The following CD302 variants were observed in gnomAD, a reference collection of about 807,000 sequenced individuals.
CD302 encodes the protein CD302 molecule.
Under a neutral mutation model 26.5 loss-of-function variants are expected in CD302, and 23 were observed. The ratio of observed to expected loss-of-function variants is 0.87; its 90% CI spans 0.62 to 1.23. CD302 has a LOEUF of 1.23. Among genes scored for constraint, CD302 ranks in the 50% most tolerant of loss-of-function variants. The probability of loss-of-function intolerance (pLI) is 0.00; values close to 1 mark genes in which losing one functional copy is unlikely to be tolerated. For missense variants in CD302, 290 were observed against 275.5 expected (o/e 1.05, Z -0.37); for synonymous variants, 90 against 99.4 (o/e 0.91, Z 0.56).
At chr2:159,772,115 TTGA>T in intron 5 of CD302, 62 bp from the exon 6 acceptor site, 1 of 1,544,552 alleles carries the variant, frequency 6.5e-7, no homozygotes, top group Non-Finnish European at 8.8e-7. Context: ...CAAGTATATT[TTGA>T]TGAGCACAAC....
intron 2 of CD302, among the ~76,000 whole-genome samples, chr2:159,782,414 CAAAAAAAAAAAAAAAA>C (rs72068957): frequency 1.4e-5 from 1 of 70,730 alleles, no homozygotes; most frequent in Non-Finnish European, 2.5e-5. Flanking sequence ...CTCCATCTCA[CAAAAAAAAAAAAAAAA>C]AAAAAAAAAG....
intron 1 of CD302, among the ~76,000 whole-genome samples, chr2:159,796,383 G>GT (rs986486779): frequency 2.6e-5 from 4 of 152,112 alleles, no homozygotes; most frequent in African/African-American, 9.7e-5. Flanking sequence ...GTATTCATAC[G>GT]TTTTCTGGTT....
At chr2:159,788,934 G>A (rs1276647036) in intron 1 of CD302, among the ~76,000 whole-genome samples, 1 of 151,774 alleles carries the variant, frequency 6.6e-6, no homozygotes, top group Non-Finnish European at 1.5e-5. Context: ...TTTCAATACT[G>A]TTAATACTCT....
rs1190947820 is a variant in CD302, at chr2:159,769,887, C to T, written c.*1964G>A. 1 of 152,184 alleles carries T rather than the reference C, an allele frequency of 6.6e-6. No individual in the cohort carries two copies. Among genetic ancestry groups the T allele is most frequent in the Non-Finnish European group, 1.5e-5 (1 of 68,018 alleles). The allele number at this position is 152,184 out of a possible 1,614,324, so 9.4% of individuals were successfully genotyped here. A position where few individuals can be genotyped will look rare whatever the true frequency, so the allele number is the denominator to read the frequency against. ...GTTCTATAATGTATGTTGCCCAGTACAGTAGCCACTAACCACCTGTGATTT... is the reference window on the plus strand; with the variant it reads ...GTTCTATAATGTATGTTGCCCAGTATAGTAGCCACTAACCACCTGTGATTT... On this transcript the variant is annotated 3_prime_UTR_variant, in exon 6 of 6. Coordinates refer to ENST00000259053, the MANE Select transcript of CD302 (RefSeq NM_014880.5).
intron 1 of CD302, among the ~76,000 whole-genome samples, chr2:159,794,864 ATACTC>A (rs1256536043): frequency 3.3e-5 from 5 of 151,802 alleles, no homozygotes; most frequent in African/African-American, 4.8e-5. Flanking sequence ...TTATTTTAAA[ATACTC>A]TAATATTTAA....
intron 4 of CD302, among the ~76,000 whole-genome samples, chr2:159,778,324 A>G (rs909004903): frequency 3.3e-5 from 5 of 152,210 alleles, no homozygotes; most frequent in Admixed American, 2.6e-4. Context: ...CTACCTTAGT[A>G]TGGATGTACT....
intron 5 of CD302, among the ~76,000 whole-genome samples, chr2:159,776,791 G>A (rs1301297794): frequency 1.4e-5 from 2 of 139,228 alleles, no homozygotes; most frequent in East Asian, 2.1e-4. Context: ...TGCAACCTCC[G>A]CCTCCCAAAT....
At chr2:159,794,541 T>A (rs199637811) in intron 1 of CD302, among the ~76,000 whole-genome samples, 391 of 151,420 alleles carry the variant, frequency 2.6e-3, no homozygotes, top group African/African-American at 8.2e-3. Context: ...TTTATTTATT[T>A]ATTTATTTAT....
chr2:159,777,797 A>G, intron 5 of CD302, 141 bp downstream of exon 5: 1 of 402,422 alleles, frequency 2.5e-6, no homozygotes. Flanking sequence ...TATTACTAAG[A>G]GACCTTTCTA....
chr2:159,781,146 A>ATT (rs1708493985), intron 2 of CD302, 148 bp from the exon 3 acceptor site: 1 of 655,294 alleles, frequency 1.5e-6, no homozygotes, highest in Non-Finnish European at 2.5e-6. Context: ...ATACAAGCTA[A>ATT]TAAGGTTACA....
intron 2 of CD302, among the ~76,000 whole-genome samples, 169 bp downstream of exon 2, chr2:159,783,190 A>G (rs1708568643): frequency 1.3e-5 from 2 of 152,236 alleles, no homozygotes; most frequent in South Asian, 2.1e-4. Context: ...AGGATTAAAT[A>G]TATACCCAAT....
intron 1 of CD302, among the ~76,000 whole-genome samples, chr2:159,796,451 C>G (rs913668748): frequency 6.6e-6 from 1 of 152,204 alleles, no homozygotes; most frequent in African/African-American, 2.4e-5. Context: ...CCAAGATGAA[C>G]CACGCCTGTA....
At chr2:159,773,902 A>C (rs1312430926) in intron 5 of CD302, among the ~76,000 whole-genome samples, 1 of 152,170 alleles carries the variant, frequency 6.6e-6, no homozygotes, top group Non-Finnish European at 1.5e-5. Context: ...TTTTTAGCCT[A>C]ACAATGTTCC....
chr2:159,772,195 C>T (rs1708170730), intron 5 of CD302, 142 bp from the exon 6 acceptor site: 9 of 891,114 alleles, frequency 1.0e-5, no homozygotes, highest in Admixed American at 2.9e-5. Flanking sequence ...CCAAAAATTT[C>T]GCATTTGTTA....
chr2:159,790,772 C>T (rs1708785840), intron 1 of CD302, among the ~76,000 whole-genome samples: 1 of 152,156 alleles, frequency 6.6e-6, no homozygotes, highest in Non-Finnish European at 1.5e-5. Context: ...ACCACAGGTT[C>T]AGAAATGCAC....
chr2:159,798,189 C>A lies in CD302; in HGVS notation c.10G>T (p.Ala4Ser). The change falls in exon 1 of 6, where the codon GCC becomes TCC. Residue 4 changes from alanine to serine, a missense_variant. Ala to Ser is a moderately conservative substitution (Grantham distance 99, BLOSUM62 1). Coordinates refer to ENST00000259053, the MANE Select transcript of CD302 (RefSeq NM_014880.5). MLR[A>S]ALPALLLPLL... ...GGCAGCAGGAGCGCGGGCAGCGCGGCCCGGAGCATGACGGCGGGTGCGGGT... is the reference window on the plus strand; with the variant it reads ...GGCAGCAGGAGCGCGGGCAGCGCGGACCGGAGCATGACGGCGGGTGCGGGT... 6.8e-7 allele frequency: 1 copy of A among 1,468,308 alleles called. No homozygotes were observed. The highest frequency in any genetic ancestry group is 1.5e-5 in the African/African-American group (1 of 65,650). 91.0% of individuals were successfully genotyped at this position (1,468,308 alleles called of 1,614,324 possible).
intron 1 of CD302, among the ~76,000 whole-genome samples, chr2:159,797,924 G>A (rs1186578250): frequency 6.6e-6 from 1 of 152,138 alleles, no homozygotes; most frequent in Admixed American, 6.5e-5. Context: ...CCTTATTCTC[G>A]GCCACCTCCC....
At chr2:159,778,738 T>C (rs933007532) in intron 4 of CD302, among the ~76,000 whole-genome samples, 1 of 152,164 alleles carries the variant, frequency 6.6e-6, no homozygotes, top group Non-Finnish European at 1.5e-5. Context: ...GTGGTCTTGC[T>C]ATGTTGACCC....
intron 1 of CD302, among the ~76,000 whole-genome samples, chr2:159,792,592 A>G (rs1464846261): frequency 6.6e-6 from 1 of 152,112 alleles, no homozygotes; most frequent in Non-Finnish European, 1.5e-5. Flanking sequence ...CCAGCTACTC[A>G]AAGACCATTG....
Sources: allele counts gnomAD v4.1 joint callset (sites outside exome capture counted in the v4.1 genomes callset), GRCh38; gene constraint gnomAD v4.1.1; transcripts MANE v1.5; gene names NCBI Gene and HGNC (gene_info 2026-07-23, HGNC 2026-07-21).